Variants in PIGU observed in about 807,000 individuals in gnomAD.
PIGU encodes GPI-anchor transamidase component PIGU.
In PIGU, 24 loss-of-function variants were observed where a neutral mutation model predicts 49.9. That is an observed-to-expected ratio of 0.48 (90% CI 0.35 to 0.68). The LOEUF (loss-of-function observed/expected upper bound fraction) is 0.68, where lower values mean the gene tolerates loss of function less well. Among genes scored for constraint, PIGU ranks in the 30% least tolerant of loss-of-function variants. PIGU has a pLI of 0.01. For missense variants in PIGU, 490 were observed against 532.6 expected (o/e 0.92, Z 0.79); for synonymous variants, 220 against 205.7 (o/e 1.07, Z -0.59).
chr20:34,642,213 A>G (rs146822687), intron 4 of PIGU, among the ~76,000 whole-genome samples: 434 of 152,192 alleles, frequency 2.9e-3, no homozygotes, highest in Admixed American at 4.7e-3. Context: ...CTACCATTAA[A>G]AACTGTTTTG....
intron 7 of PIGU, among the ~76,000 whole-genome samples, chr20:34,600,668 C>T (rs1024287569): frequency 6.6e-6 from 1 of 151,994 alleles, no homozygotes; most frequent in Admixed American, 6.6e-5. Context: ...TTCCACCCTA[C>T]TGATATTTAA....
intron 1 of PIGU, among the ~76,000 whole-genome samples, chr20:34,667,860 A>G (rs141626737): frequency 3.5e-4 from 53 of 152,310 alleles, no homozygotes; most frequent in African/African-American, 1.2e-3. Context: ...AAAGGGAAAC[A>G]GTCACTTTAT....
At chr20:34,583,710 C>T (rs559994831) in intron 9 of PIGU, among the ~76,000 whole-genome samples, 28 of 152,334 alleles carry the variant, frequency 1.8e-4, no homozygotes, top group Middle Eastern at 3.4e-3. Context: ...GGAAGGTGGA[C>T]CACAGACAGC....
chr20:34,560,986 GGAGA>G lies in PIGU; in HGVS notation c.1195-11_1195-8del. On this transcript the variant is annotated splice_polypyrimidine_tract_variant and splice_region_variant and intron_variant, in intron 11 of 11. Transcript: ENST00000217446. ...AATCAGAGATGAGCAGGATCTGGGG[GGAGA>G]GAGAGGGTGTGAGGCGCTGCTGGGT... 1 of 1,581,314 alleles carries G rather than the reference GGAGA, an allele frequency of 6.3e-7. No homozygotes were observed. The highest frequency in any genetic ancestry group is 8.7e-7 in the Non-Finnish European group (1 of 1,151,894).
intron 6 of PIGU, among the ~76,000 whole-genome samples, chr20:34,616,468 T>A (rs1016089173): frequency 1.3e-5 from 2 of 152,212 alleles, no homozygotes; most frequent in Non-Finnish European, 2.9e-5. Flanking sequence ...AACATCCATG[T>A]CCTATCTAAT....
chr20:34,644,277 G>A (rs772108939), intron 3 of PIGU, 51 bp from the exon 4 acceptor site: 41 of 1,443,882 alleles, frequency 2.8e-5, no homozygotes, highest in Non-Finnish European at 3.8e-5. Context: ...AAGTGTAAGA[G>A]TACTAGAGTG....
chr20:34,638,718 C>A (rs112873000), intron 4 of PIGU, among the ~76,000 whole-genome samples: 2 of 152,226 alleles, frequency 1.3e-5, no homozygotes, highest in African/African-American at 4.8e-5. Context: ...AGGAGGAAAG[C>A]TGGGTGTGGG....
chr20:34,593,764 G>C (rs1276092721), intron 7 of PIGU, among the ~76,000 whole-genome samples: 1 of 152,124 alleles, frequency 6.6e-6, no homozygotes, highest in South Asian at 2.1e-4. Context: ...AAATGATAAA[G>C]CACTGTACTA....
chr20:34,659,927 G>C (rs1459467570), intron 1 of PIGU, among the ~76,000 whole-genome samples: 1 of 151,484 alleles, frequency 6.6e-6, no homozygotes, highest in East Asian at 1.9e-4. Flanking sequence ...AAGGCTGCAG[G>C]GTCCTCTGCC....
At chr20:34,650,877 C>T (rs1465374727) in intron 2 of PIGU, among the ~76,000 whole-genome samples, 1 of 151,290 alleles carries the variant, frequency 6.6e-6, no homozygotes, top group Non-Finnish European at 1.5e-5. Flanking sequence ...CCATGCCTGG[C>T]TAATTTTTGT....
chr20:34,579,893 A>G (rs1348251250), intron 10 of PIGU, among the ~76,000 whole-genome samples: 1 of 152,232 alleles, frequency 6.6e-6, no homozygotes, highest in Non-Finnish European at 1.5e-5. Context: ...ACTCCCCTGC[A>G]TAATTATTAC....
chr20:34,668,866 ACTTT>A (rs1326415591), intron 1 of PIGU, among the ~76,000 whole-genome samples: 22 of 124,218 alleles, frequency 1.8e-4, no homozygotes, highest in South Asian at 1.7e-3. Context: ...AAATGGTAAA[ACTTT>A]TTTTTTTTTT....
chr20:34,577,153 T>C (rs1200494049), intron 10 of PIGU, among the ~76,000 whole-genome samples: 1 of 152,198 alleles, frequency 6.6e-6, no homozygotes, highest in Middle Eastern at 3.2e-3. Context: ...TTTAAAATAA[T>C]TAAAAGAATA....
rs138486390 is a variant in PIGU at position 34,615,032 on chromosome 20, T to C, written c.627+1010A>G. Among the ~76,000 whole-genome samples, 979 of 152,352 alleles carry C rather than the reference T, an allele frequency of 6.4e-3. 13 individuals carry two copies. Among genetic ancestry groups the C allele is most frequent in the South Asian group, 0.048 (233 of 4,826 alleles). ...AACAAGATGATTAGAGAGCACGCTC[T>C]GGCATCAGATGGCCATGGTTCATAT... On this transcript the variant is annotated intron_variant, in intron 7 of 11. Coordinates refer to ENST00000217446, the MANE Select transcript of PIGU (RefSeq NM_080476.5).
chr20:34,617,690 G>A (rs1985065458), intron 6 of PIGU, among the ~76,000 whole-genome samples: 1 of 152,164 alleles, frequency 6.6e-6, no homozygotes, highest in Admixed American at 6.6e-5. Flanking sequence ...TTAAGACTTT[G>A]GGGGACTGTT....
rs140924316 is a variant in PIGU, at chr20:34,664,630, T to C, written c.131-7386A>G. ...TTGCAGTGAGACAAGATTGTGCCAT[T>C]GCATTCCAGCCTGGGCAACAAAAGT... On this transcript the variant is annotated intron_variant, in intron 1 of 11. Coordinates refer to ENST00000217446, the MANE Select transcript of PIGU (RefSeq NM_080476.5). Among the ~76,000 whole-genome samples the C allele has an allele frequency of 4.7e-3, 712 of 151,822 alleles. 2 individuals carry two copies. The highest frequency in any genetic ancestry group is 0.016 in the African/African-American group (661 of 41,402).
At chr20:34,646,747 C>A (rs927381391) in intron 2 of PIGU, among the ~76,000 whole-genome samples, 1 of 152,132 alleles carries the variant, frequency 6.6e-6, no homozygotes, top group African/African-American at 2.4e-5. Context: ...TATATTCTAA[C>A]TTCCAGTAAC....
At chr20:34,668,053 T>C (rs1363021675) in intron 1 of PIGU, among the ~76,000 whole-genome samples, 1 of 151,972 alleles carries the variant, frequency 6.6e-6, no homozygotes, top group African/African-American at 2.4e-5. Context: ...CAAAACCAAA[T>C]TGAGGGACAT....
intron 6 of PIGU, among the ~76,000 whole-genome samples, chr20:34,620,766 G>A (rs1272275618): frequency 1.0e-4 from 15 of 146,088 alleles, no homozygotes; most frequent in Admixed American, 6.3e-4. Context: ...AGCCGAGATC[G>A]CGCCACTGCA....
Sources: gnomAD v4.1 joint callset for allele counts (sites outside exome capture counted in the v4.1 genomes callset) on GRCh38, gnomAD v4.1.1 for gene constraint, MANE v1.5 for transcripts, NCBI Gene and HGNC (gene_info 2026-07-23, HGNC 2026-07-21) for gene names.